MKLN1: variants seen among roughly 807,000 people sequenced by gnomAD.
MKLN1 encodes muskelin.
A neutral mutation model predicts 99.0 loss-of-function variants in MKLN1; 18 were observed. The ratio of observed to expected loss-of-function variants is 0.18; its 90% confidence interval spans 0.13 to 0.27. The LOEUF is 0.27. Among genes scored for constraint, MKLN1 ranks in the 10% least tolerant of loss-of-function variants. The probability of loss-of-function intolerance (pLI) is 1.00; values close to 1 mark genes in which losing one functional copy is unlikely to be tolerated. For missense variants in MKLN1, 621 were observed against 875.9 expected (o/e 0.71, Z 3.67); for synonymous variants, 288 against 293.2 (o/e 0.98, Z 0.18).
intron 1 of MKLN1, among the ~76,000 whole-genome samples, chr7:131,114,618 T>G (rs1183502596): frequency 2.0e-5 from 3 of 152,124 alleles, no homozygotes; most frequent in Non-Finnish European, 4.4e-5. Flanking sequence ...GGAGGAAACA[T>G]CAGCAGTATT....
chr7:131,434,762 C>T (rs1466835974), intron 9 of MKLN1, among the ~76,000 whole-genome samples: 1 of 152,046 alleles, frequency 6.6e-6, no homozygotes, highest in Non-Finnish European at 1.5e-5. Context: ...GTATGTTGAA[C>T]ATGCAGAGGA....
rs1314050110 is a variant in MKLN1, at chr7:131,489,932, G to A, written c.*2204G>A. The A allele has an allele frequency of 6.6e-6, 1 of 152,018 alleles. No homozygotes were observed. Among genetic ancestry groups the A allele is most frequent in the Non-Finnish European group, 1.5e-5 (1 of 67,986 alleles). The allele number at this position is 152,018 out of a possible 1,614,324, so 9.4% of individuals were successfully genotyped here. On this transcript the variant is annotated 3_prime_UTR_variant, in exon 18 of 18. Coordinates refer to ENST00000352689, the MANE Select transcript of MKLN1 (RefSeq NM_013255.5). The stretch of plus-strand genomic sequence containing the variant: ...TGTTTAAATGGGGTTGAATCATAGC[G>A]AGCCATTTGCTCTTGCCAAAGTGAG...
rs1468861692 is a variant in MKLN1 at position 131,437,777 on chromosome 7, C to T, written c.961-8C>T. On this transcript the variant is annotated splice_polypyrimidine_tract_variant and splice_region_variant and intron_variant, in intron 9 of 17. Coordinates refer to ENST00000352689, the MANE Select transcript of MKLN1 (RefSeq NM_013255.5). ...GTTTATTTATTTATTTTCTCTCTCT[C>T]TCTACAGAATGGTCCTAGTGCCAGA... is the stretch of plus-strand genomic sequence containing the variant. The T allele has an allele frequency of 3.1e-6, 5 of 1,590,898 alleles. No homozygotes were observed. The highest frequency in any genetic ancestry group is 4.3e-6 in the Non-Finnish European group (5 of 1,160,434).
intron 7 of MKLN1, among the ~76,000 whole-genome samples, chr7:131,412,792 CT>C (rs1216466590): frequency 3.3e-5 from 5 of 152,140 alleles, no homozygotes. Context: ...GGATACTGAG[CT>C]TTTTTCATTG....
chr7:131,142,082 G>A (rs1455227764), intron 1 of MKLN1, among the ~76,000 whole-genome samples: 1 of 151,964 alleles, frequency 6.6e-6, no homozygotes, highest in Non-Finnish European at 1.5e-5. Context: ...TTTGAGACCA[G>A]CCTGGGCAAC....
At chr7:131,161,021 T>A (rs976186006) in intron 2 of MKLN1, among the ~76,000 whole-genome samples, 4 of 152,130 alleles carry the variant, frequency 2.6e-5, no homozygotes, top group Non-Finnish European at 5.9e-5. Context: ...ACTCCATGTG[T>A]GTATTTTCTA....
intron 2 of MKLN1, among the ~76,000 whole-genome samples, chr7:131,144,019 T>C (rs1361484209): frequency 3.9e-5 from 6 of 152,070 alleles, no homozygotes; most frequent in Non-Finnish European, 8.8e-5. Context: ...CCATAACTGA[T>C]TTTGTTTTTC....
intron 2 of MKLN1, among the ~76,000 whole-genome samples, chr7:131,200,485 G>A (rs1294074269): frequency 5.3e-5 from 8 of 152,172 alleles, no homozygotes; most frequent in Admixed American, 6.5e-5. Flanking sequence ...TTTTTAAAAT[G>A]TGTATGGTAG....
chr7:131,141,917 G>A (rs566919679), intron 1 of MKLN1, among the ~76,000 whole-genome samples: 1 of 152,132 alleles, frequency 6.6e-6, no homozygotes, highest in African/African-American at 2.4e-5. Context: ...AAAGTATTTG[G>A]TACAAAAAAC....
At chr7:131,461,195 A>G (rs1027354282) in intron 12 of MKLN1, among the ~76,000 whole-genome samples, 5 of 152,112 alleles carry the variant, frequency 3.3e-5, no homozygotes, top group African/African-American at 4.8e-5. Flanking sequence ...ATGACAAGAA[A>G]AAAAGTCTGT....
At chr7:131,400,461 TAAAC>T (rs1364906838) in intron 6 of MKLN1, among the ~76,000 whole-genome samples, 17 of 148,928 alleles carry the variant, frequency 1.1e-4, no homozygotes, top group East Asian at 7.8e-4. Context: ...TTTTGGAGTA[TAAAC>T]AAACAAATAA....
chr7:131,282,349 CAAAA>C (rs1001483569), intron 3 of MKLN1, among the ~76,000 whole-genome samples: 1 of 65,680 alleles, frequency 1.5e-5, no homozygotes, highest in Admixed American at 1.7e-4. Context: ...AACTCCGTCT[CAAAA>C]AAAAAAAAAA....
At chr7:131,136,716 T>C (rs1325025950) in intron 1 of MKLN1, among the ~76,000 whole-genome samples, 3 of 152,206 alleles carry the variant, frequency 2.0e-5, no homozygotes, top group Non-Finnish European at 4.4e-5. Flanking sequence ...TTGCACCACA[T>C]GTCCTGCCGT....
chr7:131,339,207 CT>C (rs1458172321), intron 1 of MKLN1, among the ~76,000 whole-genome samples: 1 of 152,210 alleles, frequency 6.6e-6, no homozygotes, highest in Non-Finnish European at 1.5e-5. Flanking sequence ...GTTGGCGCCC[CT>C]AGGCCCCACA....
intron 17 of MKLN1, among the ~76,000 whole-genome samples, chr7:131,485,937 C>T (rs1417525322): frequency 6.6e-6 from 1 of 151,942 alleles, no homozygotes; most frequent in African/African-American, 2.4e-5. Context: ...ATTGGGACAT[C>T]AATGTTAAAT....
intron 8 of MKLN1, among the ~76,000 whole-genome samples, chr7:131,421,342 G>A (rs1242424530): frequency 6.6e-6 from 1 of 152,064 alleles, no homozygotes; most frequent in Non-Finnish European, 1.5e-5. Context: ...TAATTATCAG[G>A]TTGATCTTAA....
At chr7:131,216,258 T>C (rs1363623363) in intron 3 of MKLN1, among the ~76,000 whole-genome samples, 4 of 151,464 alleles carry the variant, frequency 2.6e-5, no homozygotes, top group Admixed American at 6.6e-5. Context: ...AAAACTGTAC[T>C]GAAAATACAA....
intron 2 of MKLN1, among the ~76,000 whole-genome samples, chr7:131,169,174 G>T (rs1796180482): frequency 6.6e-6 from 1 of 152,152 alleles, no homozygotes; most frequent in Non-Finnish European, 1.5e-5. Flanking sequence ...CAGCCACCGT[G>T]TCTGGCTGAA....
At chr7:131,115,763 A>G (rs921326503) in intron 1 of MKLN1, among the ~76,000 whole-genome samples, 1 of 152,138 alleles carries the variant, frequency 6.6e-6, no homozygotes, top group Non-Finnish European at 1.5e-5. Context: ...GATTTACCCT[A>G]TATACTTCCT....
Sources: gnomAD v4.1 joint callset for allele counts (sites outside exome capture counted in the v4.1 genomes callset) on GRCh38, gnomAD v4.1.1 for gene constraint, MANE v1.5 for transcripts, NCBI Gene and HGNC (gene_info 2026-07-23, HGNC 2026-07-21) for gene names.